Variants in TAOK2 observed in about 807,000 individuals in gnomAD.
The protein encoded by TAOK2 is serine/threonine-protein kinase TAO2.
A neutral mutation model predicts 122.5 loss-of-function variants in TAOK2; 42 were observed. The observed-to-expected ratio is 0.34, with a 90% confidence interval of 0.27 to 0.44. TAOK2 has a LOEUF of 0.44. Ranked by LOEUF, TAOK2 falls within the 20% of genes least tolerant of loss-of-function variation. The probability of loss-of-function intolerance (pLI) is 1.00; values close to 1 mark genes in which losing one functional copy is unlikely to be tolerated. For missense variants in TAOK2, 1,264 were observed against 1,644.9 expected, an observed-to-expected ratio of 0.77 and a Z score of 4.01; for synonymous variants, 704 against 677.6, an observed-to-expected ratio of 1.04 and a Z score of -0.61.
rs1020183182 is a variant in TAOK2, at chr16:29,983,680, C to T, written c.1422+16C>T. The T allele has an allele frequency of 3.1e-6, 5 of 1,591,690 alleles. No homozygotes were observed. The highest frequency in any genetic ancestry group is 3.4e-6 in the Non-Finnish European group (4 of 1,166,568). On this transcript the variant is annotated intron_variant, in intron 13 of 15. Coordinates refer to ENST00000308893, the MANE Select transcript of TAOK2 (RefSeq NM_016151.4). ...CGCCTCCCTGGTGAGTGTAGCCATC[C>T]TCACTCAGCCTGCTCGCTGTCTGTT...
Position 29,985,049 on chromosome 16 carries a change from A to G in TAOK2, c.1423-164A>G, listed in dbSNP as rs939509713. 3.0e-5 allele frequency: 26 copies of G among 876,918 alleles called. No homozygotes were observed. The highest frequency in any genetic ancestry group is 3.8e-5 in the Non-Finnish European group (24 of 630,276). The allele number at this position is 876,918 out of a possible 1,614,324, so 54.3% of individuals were successfully genotyped here. On this transcript the variant is annotated intron_variant, in intron 13 of 15. Coordinates refer to ENST00000308893, the MANE Select transcript of TAOK2 (RefSeq NM_016151.4). This position sits in a 1 kb window ranked among gnomAD's most constrained non-coding sequence, Gnocchi z 6.9. ...TTGTGATGTAGATAATATCACCATT[A>G]TCCAGTTGAGGAAACAGGCTAGAGT...
intron 1 of TAOK2, among the ~76,000 whole-genome samples, chr16:29,975,204 G>A (rs11150577): frequency 0.38 from 57,308 of 151,928 alleles, 11,413 homozygotes; most frequent in South Asian, 0.49. Context: ...CTGTGATGGT[G>A]TCAATAATCT....
chr16:29,980,911 G>A (rs1213884994), intron 8 of TAOK2: 4 of 152,248 alleles, frequency 2.6e-5, no homozygotes, highest in Non-Finnish European at 4.4e-5. Context: ...AAAGAGGGCA[G>A]CTAATGCTTA....
downstream of TAOK2, chr16:29,991,748 G>A: frequency 1.3e-6 from 1 of 787,116 alleles, no homozygotes; most frequent in Non-Finnish European, 1.8e-6. The surrounding 1 kb of genome is among the most constrained non-coding windows in gnomAD (Gnocchi z 5.6). Context: ...GGCCAGCTTG[G>A]CGATAGGTGC....
chr16:29,989,423 T>C (rs2069911826), downstream of TAOK2: 2 of 975,086 alleles, frequency 2.1e-6, no homozygotes, highest in African/African-American at 3.6e-5. Flanking sequence ...CCACCCCCTC[T>C]GTCTAACATG....
chr16:29,987,158 C>T lies in TAOK2; in HGVS notation c.2886C>T (p.Ser962=). 3.8e-6 allele frequency: 6 copies of T among 1,572,258 alleles called. No homozygotes were observed. Among genetic ancestry groups the T allele is most frequent in the Non-Finnish European group, 4.3e-6 (5 of 1,163,774 alleles). ...LAGLSFAVGS[S]SGLLPLLLLL... is the part of the protein sequence containing the mutation. ...GCCTCTCCTTTGCAGTGGGGTCCTC[C>T]TCTGGCCTCCTGCCCCTCCTGCTGC... Residue 962 remains serine (S), a synonymous_variant, in exon 16 of 16, where the codon TCC becomes TCT. Coordinates refer to ENST00000308893, the MANE Select transcript of TAOK2 (RefSeq NM_016151.4).
At position 29,985,908 on chromosome 16, in the gene TAOK2, A is replaced by T; in HGVS notation, c.1992+47A>T. ...CCCCTCCCGCTCACTCGTGGATCCC[A>T]GGGACCCACCCTTTTCCATTTTCCT... On this transcript the variant is annotated intron_variant, in intron 15 of 15. Coordinates refer to ENST00000308893, the MANE Select transcript of TAOK2 (RefSeq NM_016151.4). The surrounding 1 kb of genome is among the most constrained non-coding windows in gnomAD (Gnocchi z 6.9). The T allele has an allele frequency of 6.3e-7, 1 of 1,577,656 alleles. No individual in the cohort carries two copies. The highest frequency in any genetic ancestry group is 1.3e-5 in the African/African-American group (1 of 74,246).
chr16:29,975,615 T>C (rs1339800020), intron 1 of TAOK2, among the ~76,000 whole-genome samples: 1 of 152,198 alleles, frequency 6.6e-6, no homozygotes, highest in Admixed American at 6.5e-5. Context: ...TTCTATCCAC[T>C]GTGACCTTCA....
At position 29,985,366 on chromosome 16, in the gene TAOK2, C is replaced by T. The variant is rs376299348; in HGVS notation, c.1576C>T (p.Arg526Trp). The change falls in exon 14 of 16, where the codon CGG becomes TGG. Residue 526 changes from arginine to tryptophan, a missense_variant. Physicochemically the swap from Arg to Trp is moderately radical, Grantham distance 101 (BLOSUM62 -3). Transcript: ENST00000308893. This position sits in a 1 kb window ranked among gnomAD's most constrained non-coding sequence, Gnocchi z 6.9. ...EREEHSARLQ[R>W]ELEAQRAGFG... is the part of the protein sequence containing the mutation. ...GGAGGAGCACAGTGCACGGCTGCAG[C>T]GGGAGCTTGAGGCGCAGCGGGCTGG... The T allele has an allele frequency of 2.5e-5, 41 of 1,610,642 alleles. No homozygotes were observed. Among genetic ancestry groups the T allele is most frequent in the Non-Finnish European group, 3.4e-5 (40 of 1,178,232 alleles).
In TAOK2 at chr16:29,987,574, A is replaced by G. The variant is rs200281592; in HGVS notation, c.3302A>G (p.Gln1101Arg). 8.2e-5 allele frequency: 133 copies of G among 1,612,564 alleles called. No individual in the cohort carries two copies. Among genetic ancestry groups the G allele is most frequent in the Admixed American group, 2.2e-4 (13 of 59,874 alleles). ...RLSPMAFRAL[Q>R]GCGAVGDRGL... ...TCACCCATGGCCTTCCGGGCCCTGC[A>G]GGGCTGTGGGGCTGTGGGGGACCGG... Residue 1101 changes from glutamine to arginine, a missense_variant, in exon 16 of 16, where the codon CAG becomes CGG. Gln to Arg is a conservative substitution (Grantham distance 43). Transcript: ENST00000308893.
In TAOK2 at chr16:29,977,817, G is replaced by A. The variant is rs770413643; in HGVS notation, c.45G>A (p.Val15=). 1.9e-6 allele frequency: 3 copies of A among 1,614,200 alleles called. No individual in the cohort carries two copies. The highest frequency in any genetic ancestry group is 1.7e-5 in the Admixed American group (1 of 60,028). ...CCGGGAGCCTGAAGGACCCAGATGT[G>A]GCTGAGCTCTTCTTCAAGGATGACC... ...GRAGSLKDPD[V]AELFFKDDPE... Residue 15 remains valine, a synonymous_variant, in exon 2 of 16, where the codon GTG becomes GTA. Coordinates refer to ENST00000308893, the MANE Select transcript of TAOK2 (RefSeq NM_016151.4).
chr16:29,979,843 C>T lies in TAOK2; in HGVS notation c.655+335C>T, dbSNP rs199780579. 6.6e-6 allele frequency among the ~76,000 whole-genome samples: 1 copy of T among 152,166 alleles called. No individual in the cohort carries two copies. Among genetic ancestry groups the T allele is most frequent in the East Asian group, 1.9e-4 (1 of 5,198 alleles). ...GAACTTACATTTGATTTAGGGAAAC[C>T]AGGCAGGCATGTTTTCTTTCAATGT... On this transcript the variant is annotated intron_variant, in intron 8 of 15. Transcript: ENST00000308893. This position sits in a 1 kb window ranked among gnomAD's most constrained non-coding sequence, Gnocchi z 4.1.
chr16:29,981,465 G>T, intron 8 of TAOK2, 196 bp from the exon 9 acceptor site: 1 of 654,784 alleles, frequency 1.5e-6, no homozygotes, highest in Admixed American at 2.2e-5. Context: ...CCACCCGTGT[G>T]CAGTGGAGAG....
At position 29,987,419 on chromosome 16, in the gene TAOK2, G is replaced by C. The variant is rs748325493; in HGVS notation, c.3147G>C (p.Trp1049Cys). The C allele has an allele frequency of 1.9e-6, 3 of 1,606,096 alleles. No individual in the cohort carries two copies. The highest frequency in any genetic ancestry group is 2.6e-6 in the Non-Finnish European group (3 of 1,174,756). The change falls in exon 16 of 16, where the codon TGG (tryptophan) becomes TGC (cysteine). Residue 1049 changes from tryptophan to cysteine, a missense_variant. Physicochemically the swap from Trp to Cys is radical, Grantham distance 215 (BLOSUM62 -2). Around this residue, in one of 4 missense-constraint regions of TAOK2, gnomAD observed 824 missense variants for 908.7 expected, o/e 0.91. Transcript: ENST00000308893. ...TTCCCCTGGGCCTTGGAGCTGCCTG[G>C]CTCTTAGCTTGGCCAGGCCTAGCTC... ...MGVPLGLGAAWLLAWPGLALP... is the reference protein window; with the variant it reads ...MGVPLGLGAACLLAWPGLALP...
intron 10 of TAOK2, 60 bp from the exon 11 acceptor site, chr16:29,982,674 G>C (rs2069654274): frequency 1.3e-6 from 2 of 1,574,956 alleles, no homozygotes; most frequent in Non-Finnish European, 1.7e-6. Flanking sequence ...GAATGCCAAG[G>C]GCTGTGGGTT....
At chr16:29,981,468 G>C (rs1181641135) in intron 8 of TAOK2, 193 bp from the exon 9 acceptor site, 1 of 658,492 alleles carries the variant, frequency 1.5e-6, no homozygotes. Flanking sequence ...CCCGTGTGCA[G>C]TGGAGAGGAT....
rs768342491 is a variant in TAOK2 at position 29,986,563 on chromosome 16, C to G, written c.2291C>G (p.Pro764Arg). The G allele has an allele frequency of 1.2e-6, 2 of 1,613,788 alleles. No homozygotes were observed. The highest frequency in any genetic ancestry group is 1.7e-6 in the Non-Finnish European group (2 of 1,179,926). Residue 764 changes from proline (P) to arginine (R), a missense_variant, in exon 16 of 16, where the codon CCA (proline) becomes CGA (arginine). Coordinates refer to ENST00000308893, the MANE Select transcript of TAOK2 (RefSeq NM_016151.4). The surrounding 1 kb of genome is among the most constrained non-coding windows in gnomAD (Gnocchi z 4.2). ...LPLPIPGALG[P>R]PNTGTPIEQQ... is the part of the protein sequence containing the mutation. ...CTCCCCATTCCTGGGGCTCTGGGCC[C>G]ACCCAACACAGGCACCCCTATAGAA...
chr16:29,985,040 A>G lies in TAOK2; in HGVS notation c.1423-173A>G. ...CACACCAACTTGTGATGTAGATAAT[A>G]TCACCATTATCCAGTTGAGGAAACA... On this transcript the variant is annotated intron_variant, in intron 13 of 15. Transcript: ENST00000308893. The surrounding 1 kb of genome is among the most constrained non-coding windows in gnomAD (Gnocchi z 6.9). 1 of 797,542 alleles carries G rather than the reference A, an allele frequency of 1.3e-6. No homozygotes were observed. The highest frequency in any genetic ancestry group is 3.0e-5 in the East Asian group (1 of 33,740). The allele number at this position is 797,542 out of a possible 1,614,324, so 49.4% of individuals were successfully genotyped here.
chr16:29,985,558 C>T lies in TAOK2; in HGVS notation c.1768C>T (p.Arg590Cys), dbSNP rs2069758981. The T allele has an allele frequency of 6.2e-6, 10 of 1,602,508 alleles. No individual in the cohort carries two copies. The highest frequency in any genetic ancestry group is 8.5e-6 in the Non-Finnish European group (10 of 1,172,628). The change falls in exon 14 of 16, where the codon CGC becomes TGC. Residue 590 changes from arginine to cysteine, a missense_variant. Physicochemically the swap from Arg to Cys is radical, Grantham distance 180 (BLOSUM62 -3). This residue lies in a region of TAOK2 where 824 missense variants were observed against 908.7 expected (regional missense o/e 0.91). Coordinates refer to ENST00000308893, the MANE Select transcript of TAOK2 (RefSeq NM_016151.4). The surrounding 1 kb of genome is among the most constrained non-coding windows in gnomAD (Gnocchi z 6.9). ...GGCACAGAAGCGGACCTACAAACTT[C>T]GCAAGGAACAGCTGAAGGAGGTGAG... ...LEAQKRTYKLRKEQLKEELQE... is the reference protein window; with the variant it reads ...LEAQKRTYKLCKEQLKEELQE...
Sources: allele counts gnomAD v4.1 joint callset (sites outside exome capture counted in the v4.1 genomes callset), GRCh38; gene constraint gnomAD v4.1.1; regional missense constraint gnomAD v4.1.1; non-coding constraint Gnocchi (gnomAD v3.1); transcripts MANE v1.5; gene names NCBI Gene and HGNC (gene_info 2026-07-23, HGNC 2026-07-21).